RNF220: variants seen among roughly 807,000 people sequenced by gnomAD.
RNF220 encodes the protein E3 ubiquitin-protein ligase RNF220.
A neutral mutation model predicts 67.1 loss-of-function variants in RNF220; 7 were observed. The ratio of observed to expected loss-of-function variants is 0.10; its 90% CI spans 0.06 to 0.20. The LOEUF (loss-of-function observed/expected upper bound fraction) is 0.20. Among genes scored for constraint, RNF220 ranks in the 10% least tolerant of loss-of-function variants. RNF220 has a pLI of 1.00. For synonymous variants in RNF220, 270 were observed against 283.2 expected (o/e 0.95, Z 0.47); for missense variants, 565 against 740.3 (o/e 0.76, Z 2.75).
In RNF220 at chr1:44,632,324, G is replaced by A. The variant is rs766393617; in HGVS notation, c.907-19G>A. On this transcript the variant is annotated intron_variant, in intron 5 of 14. Transcript: ENST00000361799. ...CGCTCTCTTTTCTTTTCTTGCATCT[G>A]CCCGCGATCTTCTCCCAGACCTTTC... is the stretch of plus-strand genomic sequence containing the variant. 1.9e-6 allele frequency: 3 copies of A among 1,614,112 alleles called. No individual in the cohort carries two copies. The highest frequency in any genetic ancestry group is 1.1e-5 in the South Asian group (1 of 91,086).
At chr1:44,441,470 G>T (rs986960181) in intron 2 of RNF220, among the ~76,000 whole-genome samples, 1 of 152,222 alleles carries the variant, frequency 6.6e-6, no homozygotes, top group East Asian at 1.9e-4. Flanking sequence ...ATACAGAACA[G>T]GAATAATAAA....
At chr1:44,462,562 C>T (rs949793449) in intron 2 of RNF220, among the ~76,000 whole-genome samples, 1 of 152,124 alleles carries the variant, frequency 6.6e-6, no homozygotes, top group African/African-American at 2.4e-5. Context: ...ATTTATATAA[C>T]AGTACTAGTA....
Position 44,458,646 on chromosome 1 carries a change from A to G in RNF220, c.625+45924A>G, listed in dbSNP as rs1309829300. 3.3e-5 allele frequency among the ~76,000 whole-genome samples: 5 copies of G among 152,236 alleles called. No individual in the cohort carries two copies. The East Asian group carries it at 9.6e-4, about 29-fold the overall frequency. ...GATTTACCTTTATGAAACTTCCCAA[A>G]GTATCTGATTTAGTGTTCTTAGAAA... On this transcript the variant is annotated intron_variant, in intron 2 of 14. Coordinates refer to ENST00000361799, the MANE Select transcript of RNF220 (RefSeq NM_018150.4).
chr1:44,540,469 G>GA (rs1661587377), intron 2 of RNF220, among the ~76,000 whole-genome samples: 1 of 152,134 alleles, frequency 6.6e-6, no homozygotes, highest in South Asian at 2.1e-4. Context: ...AGACTCATTA[G>GA]AAAAAACAAA....
intron 2 of RNF220, among the ~76,000 whole-genome samples, chr1:44,481,688 A>G (rs72895516): frequency 0.022 from 3,381 of 150,336 alleles, 151 homozygotes; most frequent in African/African-American, 0.078. Flanking sequence ...ATAAAGGGGG[A>G]AAAAAAGAAG....
chr1:44,415,510 C>T (rs945213826), intron 2 of RNF220, among the ~76,000 whole-genome samples: 28 of 152,112 alleles, frequency 1.8e-4, no homozygotes, highest in African/African-American at 6.5e-4. Flanking sequence ...GATATACACA[C>T]ACACACACAC....
chr1:44,439,644 A>G (rs1000095069), intron 2 of RNF220, among the ~76,000 whole-genome samples: 1 of 152,096 alleles, frequency 6.6e-6, no homozygotes, highest in African/African-American at 2.4e-5. Context: ...AAGGCATTTT[A>G]TCATTTTTTT....
intron 8 of RNF220, among the ~76,000 whole-genome samples, chr1:44,641,696 G>A (rs1176627225): frequency 9.2e-5 from 14 of 152,032 alleles, no homozygotes; most frequent in Admixed American, 6.5e-4. Flanking sequence ...AGTTTAATGT[G>A]CTGGGAAAGA....
chr1:44,518,858 G>A (rs967835084), intron 2 of RNF220, among the ~76,000 whole-genome samples: 6 of 150,460 alleles, frequency 4.0e-5, no homozygotes, highest in African/African-American at 1.5e-4. Context: ...CTGGGCAACA[G>A]AGCAAGACTC....
chr1:44,649,552 T>C lies in RNF220; in HGVS notation c.1446-109T>C. 1 of 970,300 alleles carries C rather than the reference T, an allele frequency of 1.0e-6. No homozygotes were observed. The highest frequency in any genetic ancestry group is 1.4e-5 in the South Asian group (1 of 70,664). The allele number at this position is 970,300 out of a possible 1,614,324, so 60.1% of individuals were successfully genotyped here. A position where few individuals can be genotyped will look rare whatever the true frequency, so the allele number is the denominator to read the frequency against. On this transcript the variant is annotated intron_variant, in intron 12 of 14. Coordinates refer to ENST00000361799, the MANE Select transcript of RNF220 (RefSeq NM_018150.4). The surrounding 1 kb of genome is among the most constrained non-coding windows in gnomAD (Gnocchi z 5.9). ...ATCAGAGAAAGGGGGCAGGCAGGGA[T>C]GCCTAGGGGACATTTATGTATTTGG...
chr1:44,538,109 G>T (rs1470377859), intron 2 of RNF220, among the ~76,000 whole-genome samples: 3 of 152,188 alleles, frequency 2.0e-5, no homozygotes, highest in Non-Finnish European at 4.4e-5. Context: ...GACTATAAAT[G>T]TGTTAGTCAT....
Position 44,417,543 on chromosome 1 carries a change from C to A in RNF220, c.625+4821C>A, listed in dbSNP as rs955281436. 6.6e-6 allele frequency among the ~76,000 whole-genome samples: 1 copy of A among 152,208 alleles called. No homozygotes were observed. Among genetic ancestry groups the A allele is most frequent in the Non-Finnish European group, 1.5e-5 (1 of 68,040 alleles). ...CCCCTGCCCTCGCTCCACGCCGCGC[C>A]GCTCTGTGCGGCGGCTGCCTCCTCT... On this transcript the variant is annotated intron_variant, in intron 2 of 14. Coordinates refer to ENST00000361799, the MANE Select transcript of RNF220 (RefSeq NM_018150.4). The surrounding 1 kb of genome is among the most constrained non-coding windows in gnomAD (Gnocchi z 4.0).
Position 44,524,343 on chromosome 1 carries a change from C to T in RNF220, c.626-89822C>T, listed in dbSNP as rs1458316845. ...CAGGGTGAGAGCCCACCCTCAGACT[C>T]CTTGTAATTCAACTTCCTGTGTTTT... On this transcript the variant is annotated intron_variant, in intron 2 of 14. Coordinates refer to ENST00000361799, the MANE Select transcript of RNF220 (RefSeq NM_018150.4). Among the ~76,000 whole-genome samples, 3 of 152,068 alleles carry T rather than the reference C, an allele frequency of 2.0e-5. No individual in the cohort carries two copies. The East Asian group carries it at 5.8e-4, about 29-fold the overall frequency.
rs1451228458 is a variant in RNF220 at position 44,565,266 on chromosome 1, T to C, written c.626-48899T>C. On this transcript the variant is annotated intron_variant, in intron 2 of 14. Transcript: ENST00000361799. The surrounding 1 kb of genome is among the most constrained non-coding windows in gnomAD (Gnocchi z 4.2). ...GAGAATAAGGCCAGTTGGGTACCAA[T>C]CTGGAAGCCTGGGGAAAATGCAGGG... Among the ~76,000 whole-genome samples, 1 of 149,884 alleles carries C rather than the reference T, an allele frequency of 6.7e-6. No homozygotes were observed. The highest frequency in any genetic ancestry group is 2.0e-4 in the East Asian group (1 of 5,026).
At position 44,622,504 on chromosome 1, in the gene RNF220, G is replaced by A. The variant is rs1643841340; in HGVS notation, c.759-238G>A. ...CACTGGGAAATCTACCATGCCTAGTGTCTGTGTCTCCCTCCCAGGGGCCAG... is the reference window on the plus strand; with the variant it reads ...CACTGGGAAATCTACCATGCCTAGTATCTGTGTCTCCCTCCCAGGGGCCAG... On this transcript the variant is annotated intron_variant, in intron 3 of 14. Coordinates refer to ENST00000361799, the MANE Select transcript of RNF220 (RefSeq NM_018150.4). This position sits in a 1 kb window ranked among gnomAD's most constrained non-coding sequence, Gnocchi z 4.3. 6.6e-6 allele frequency among the ~76,000 whole-genome samples: 1 copy of A among 152,208 alleles called. No homozygotes were observed.
intron 2 of RNF220, among the ~76,000 whole-genome samples, chr1:44,534,431 G>A (rs986189266): frequency 1.6e-4 from 25 of 152,086 alleles, no homozygotes; most frequent in African/African-American, 4.8e-4. Context: ...CCGTTAACTC[G>A]TCATTTAGCA....
chr1:44,522,253 G>A (rs574321480), intron 2 of RNF220, among the ~76,000 whole-genome samples: 66 of 152,250 alleles, frequency 4.3e-4, no homozygotes, highest in African/African-American at 9.6e-4. Flanking sequence ...CAGCTCTGTC[G>A]CGTGTTCACT....
chr1:44,558,607 T>C (rs1474347567), intron 2 of RNF220, among the ~76,000 whole-genome samples: 2 of 152,182 alleles, frequency 1.3e-5, no homozygotes, highest in Non-Finnish European at 2.9e-5. Context: ...CCCTGCAAGG[T>C]GAGTATTTTT....
chr1:44,602,417 A>G (rs1666982597), intron 2 of RNF220, among the ~76,000 whole-genome samples: 1 of 152,166 alleles, frequency 6.6e-6, no homozygotes, highest in Non-Finnish European at 1.5e-5. Context: ...CAGCATCTCC[A>G]GGTTCCGGGG....
Sources: gnomAD v4.1 joint callset for allele counts (sites outside exome capture counted in the v4.1 genomes callset) on GRCh38, gnomAD v4.1.1 for gene constraint, Gnocchi (gnomAD v3.1) non-coding constraint, MANE v1.5 for transcripts, NCBI Gene and HGNC (gene_info 2026-07-23, HGNC 2026-07-21) for gene names.